TMEM9: variants seen among roughly 807,000 people sequenced by gnomAD.
The protein encoded by TMEM9 is transmembrane protein 9.
A neutral mutation model predicts 22.8 loss-of-function variants in TMEM9; 13 were observed. That is an observed-to-expected ratio of 0.57 (90% CI 0.37 to 0.91). TMEM9 has a LOEUF of 0.91. TMEM9 is among the 40% of genes least tolerant of loss of function. TMEM9 has a pLI of 0.01. For synonymous variants in TMEM9, 88 were observed against 93.0 expected, an observed-to-expected ratio of 0.95 and a Z score of 0.31; for missense variants, 182 against 238.1, an observed-to-expected ratio of 0.76 and a Z score of 1.55.
At chr1:201,137,417 T>C (rs962776125) in intron 4 of TMEM9, among the ~76,000 whole-genome samples, 2 of 151,918 alleles carry the variant, frequency 1.3e-5, no homozygotes, top group African/African-American at 4.8e-5. Context: ...AATGTAGTCA[T>C]TGAGACTTTT....
At chr1:201,156,447 G>A (rs1263983960), upstream of TMEM9, among the ~76,000 whole-genome samples, 2 of 152,088 alleles carry the variant, frequency 1.3e-5, no homozygotes, top group Non-Finnish European at 2.9e-5. Context: ...GCACCCTGTT[G>A]CATCCAATTC....
chr1:201,162,601 T>G (rs561762413), intron 1 of TMEM9, among the ~76,000 whole-genome samples: 49 of 148,256 alleles, frequency 3.3e-4, no homozygotes, highest in African/African-American at 1.1e-3. Flanking sequence ...AAAAGAATCA[T>G]AGACTTAAAT....
intron 4 of TMEM9, among the ~76,000 whole-genome samples, chr1:201,138,056 CTCT>C (rs1189735976): frequency 9.9e-5 from 15 of 152,270 alleles, no homozygotes; most frequent in Admixed American, 6.5e-4. Context: ...GGATTGCCTT[CTCT>C]TCTTCTTTCC....
chr1:201,170,250 C>T (rs899977600), intron 1 of TMEM9, among the ~76,000 whole-genome samples: 1 of 152,176 alleles, frequency 6.6e-6, no homozygotes, highest in Non-Finnish European at 1.5e-5. Flanking sequence ...AAGCCTGCTC[C>T]TTGGCAGGAA....
intron 3 of TMEM9, 189 bp from the exon 4 acceptor site, chr1:201,144,140 A>T (rs1181365779): frequency 1.7e-6 from 1 of 584,730 alleles, no homozygotes; most frequent in Non-Finnish European, 3.0e-6. Context: ...CCTACTCCAC[A>T]GAGGAAGCAC....
chr1:201,143,504 G>A (rs971139898), intron 4 of TMEM9, among the ~76,000 whole-genome samples: 6 of 149,480 alleles, frequency 4.0e-5, no homozygotes, highest in Non-Finnish European at 7.4e-5. Flanking sequence ...CTGAGCACAC[G>A]GGGGATATCA....
intron 1 of TMEM9, among the ~76,000 whole-genome samples, chr1:201,168,013 A>G (rs1666118948): frequency 6.6e-6 from 1 of 152,200 alleles, no homozygotes; most frequent in Non-Finnish European, 1.5e-5. Context: ...TAAATCATAC[A>G]GTAACTACTC....
chr1:201,155,468 G>GT (rs1170466169), upstream of TMEM9, among the ~76,000 whole-genome samples: 2 of 152,208 alleles, frequency 1.3e-5, no homozygotes, highest in Non-Finnish European at 2.9e-5. Flanking sequence ...AGGCCACTGA[G>GT]TTTGTGTTCC....
rs114952010 is a variant in TMEM9, at chr1:201,163,264, G to C, written c.-37+8226C>G. On this transcript the variant is annotated intron_variant, in intron 1 of 5. Transcript: ENST00000367333. ...GTCATGCCACTGTACTCCAGCCTGG[G>C]CGACACAGTGAGACCCTATGTCAAA... is the stretch of plus-strand genomic sequence containing the variant. Among the ~76,000 whole-genome samples, 817 of 152,112 alleles carry C rather than the reference G, an allele frequency of 5.4e-3. 13 individuals are homozygous for C. Among genetic ancestry groups the C allele is most frequent in the African/African-American group, 0.019 (787 of 41,486 alleles).
At chr1:201,149,652 T>C (rs1665263238) in intron 2 of TMEM9, among the ~76,000 whole-genome samples, 1 of 152,190 alleles carries the variant, frequency 6.6e-6, no homozygotes, top group African/African-American at 2.4e-5. Context: ...GAGGACCGCA[T>C]GTCAGATGAT....
chr1:201,160,416 C>T (rs554845760), intron 1 of TMEM9, among the ~76,000 whole-genome samples: 8 of 151,596 alleles, frequency 5.3e-5, no homozygotes, highest in African/African-American at 1.9e-4. Context: ...ATGGAGAAAC[C>T]CTGTCTCTAC....
chr1:201,135,771 G>GA lies in TMEM9; in HGVS notation c.443_444insT (p.Arg149ProfsTer102). Reference sequence around the variant, plus strand: ...CACGCTCCAGGACTGTGTTTGCTCGGGGTCCCCCGAGGGATGCAGCAGCTG... The same window carrying GA: ...CACGCTCCAGGACTGTGTTTGCTCGGAGGTCCCCCGAGGGATGCAGCAGCTG... On this transcript the variant is annotated frameshift_variant, in exon 5 of 5. Transcript: ENST00000367330. LOFTEE classifies it high-confidence loss of function. The GA allele has an allele frequency of 6.2e-7, 1 of 1,612,994 alleles. No homozygotes were observed. The highest frequency in any genetic ancestry group is 8.5e-7 in the Non-Finnish European group (1 of 1,179,530).
intron 2 of TMEM9, 75 bp from the exon 3 acceptor site, chr1:201,146,923 GC>G: frequency 7.1e-7 from 1 of 1,405,862 alleles, no homozygotes; most frequent in Non-Finnish European, 1.0e-6. Flanking sequence ...GAAGCAGGTA[GC>G]CAGGGGAGCT....
intron 4 of TMEM9, among the ~76,000 whole-genome samples, chr1:201,138,343 G>A (rs1198067680): frequency 6.6e-6 from 1 of 152,210 alleles, no homozygotes; most frequent in Non-Finnish European, 1.5e-5. Flanking sequence ...GTGGGGGAAA[G>A]CTGCCACTGA....
chr1:201,160,829 C>A (rs772810978), intron 1 of TMEM9, among the ~76,000 whole-genome samples: 1 of 148,374 alleles, frequency 6.7e-6, no homozygotes, highest in Admixed American at 6.7e-5. Flanking sequence ...CCAGCTACTG[C>A]GGAGGCTGAG....
intron 1 of TMEM9, among the ~76,000 whole-genome samples, chr1:201,167,545 T>G (rs1666108819): frequency 6.6e-6 from 1 of 152,214 alleles, no homozygotes; most frequent in Non-Finnish European, 1.5e-5. Context: ...GGAAGTTGCA[T>G]ATCTTGTGAC....
In TMEM9 at chr1:201,154,063, G is replaced by T; in HGVS notation, c.-140C>A. On this transcript the variant is annotated 5_prime_UTR_variant, in exon 1 of 5. Transcript: ENST00000367330. Reference sequence around the variant, plus strand: ...CCAAGTGGGAATGGGGTTGGGGGCTGGGCTCCAGGATTCCAAGGCCTGCTA... The same window carrying T: ...CCAAGTGGGAATGGGGTTGGGGGCTTGGCTCCAGGATTCCAAGGCCTGCTA... The T allele has an allele frequency of 9.9e-7, 1 of 1,012,794 alleles. No homozygotes were observed. Among genetic ancestry groups the T allele is most frequent in the Non-Finnish European group, 1.4e-6 (1 of 711,784 alleles). The allele number at this position is 1,012,794 out of a possible 1,614,324, so 62.7% of individuals were successfully genotyped here.
chr1:201,152,286 T>C (rs1177522061), intron 1 of TMEM9, among the ~76,000 whole-genome samples: 2 of 152,096 alleles, frequency 1.3e-5, no homozygotes, highest in East Asian at 3.9e-4. Flanking sequence ...TTAGGTAGGA[T>C]TGGGGAAACA....
At chr1:201,152,172 G>C (rs1665484245) in intron 1 of TMEM9, among the ~76,000 whole-genome samples, 3 of 152,068 alleles carry the variant, frequency 2.0e-5, no homozygotes, top group African/African-American at 2.4e-5. Flanking sequence ...GTGTGTGTGT[G>C]TGTGTGTGTG....
Sources: allele counts gnomAD v4.1 joint callset (sites outside exome capture counted in the v4.1 genomes callset), GRCh38; gene constraint gnomAD v4.1.1; transcripts MANE v1.5; gene names NCBI Gene and HGNC (gene_info 2026-07-23, HGNC 2026-07-21).